Variants in ALKBH8 observed in about 807,000 individuals in gnomAD.
The protein encoded by ALKBH8 is tRNA (carboxymethyluridine(34)-5-O)-methyltransferase ALKBH8.
In ALKBH8, 36 loss-of-function variants were observed where a neutral mutation model predicts 59.8. The ratio of observed to expected loss-of-function variants is 0.60; its 90% CI spans 0.46 to 0.79. ALKBH8 has a LOEUF of 0.79. Ranked by LOEUF, ALKBH8 falls within the 30% of genes least tolerant of loss-of-function variation. The probability of loss-of-function intolerance (pLI) is 0.00; values close to 1 mark genes in which losing one functional copy is unlikely to be tolerated. For missense variants in ALKBH8, 768 were observed against 801.0 expected, an observed-to-expected ratio of 0.96 and a Z score of 0.50; for synonymous variants, 276 against 273.6, an observed-to-expected ratio of 1.01 and a Z score of -0.09.
chr11:107,517,141 A>G (rs1862896247), intron 10 of ALKBH8, among the ~76,000 whole-genome samples: 1 of 152,242 alleles, frequency 6.6e-6, no homozygotes, highest in South Asian at 2.1e-4. Context: ...AAAAAGACAT[A>G]CAAATGGCCA....
At position 107,553,089 on chromosome 11, in the gene ALKBH8, T is replaced by C. The variant is rs780603490; in HGVS notation, c.595+19A>G. 2.5e-5 allele frequency: 37 copies of C among 1,454,338 alleles called. No homozygotes were observed. The highest frequency in any genetic ancestry group is 3.5e-4 in the Middle Eastern group (2 of 5,652). 90.1% of individuals were successfully genotyped at this position (1,454,338 alleles called of 1,614,324 possible). A position where few individuals can be genotyped will look rare whatever the true frequency, so the allele number is the denominator to read the frequency against. Reference sequence around the variant, plus strand: ...AATATTTTTGAGCCAGAATTTATTATGTATTAGCAATTACTTACCCCCAGA... The same window carrying C: ...AATATTTTTGAGCCAGAATTTATTACGTATTAGCAATTACTTACCCCCAGA... On this transcript the variant is annotated intron_variant, in intron 5 of 11. Transcript: ENST00000428149.
intron 8 of ALKBH8, among the ~76,000 whole-genome samples, chr11:107,528,098 C>T (rs1016755037): frequency 5.3e-5 from 8 of 152,002 alleles, no homozygotes; most frequent in South Asian, 2.1e-4. Context: ...ATTCCTTTAA[C>T]GTGATGAATT....
intron 2 of ALKBH8, among the ~76,000 whole-genome samples, chr11:107,559,006 T>C (rs138466010): frequency 3.0e-4 from 46 of 152,350 alleles, no homozygotes; most frequent in Non-Finnish European, 6.6e-4. Context: ...AGGGACCCAC[T>C]GGGAAATAAT....
intron 7 of ALKBH8, among the ~76,000 whole-genome samples, chr11:107,548,124 C>T (rs1191596398): frequency 6.6e-6 from 1 of 152,218 alleles, no homozygotes; most frequent in East Asian, 1.9e-4. Flanking sequence ...ATTGGTTACT[C>T]TGAAGCCAGG....
At position 107,522,402 on chromosome 11, in the gene ALKBH8, G is replaced by A. The variant is rs747954438; in HGVS notation, c.1184C>T (p.Pro395Leu). ...HFSSTRHTPWPHIVEFLKALP... is the reference protein window; with the variant it reads ...HFSSTRHTPWLHIVEFLKALP... ...AGCCTTCAAAAACTCCACAATGTGC[G>A]GCCAAGGGGTATGTCTTGTGCTGCT... Residue 395 changes from proline to leucine, a missense_variant, in exon 10 of 12, where the codon CCG becomes CTG. Coordinates refer to ENST00000428149, the MANE Select transcript of ALKBH8 (RefSeq NM_138775.3). 22 of 1,551,528 alleles carry A rather than the reference G, an allele frequency of 1.4e-5. No individual in the cohort carries two copies. Among genetic ancestry groups the A allele is most frequent in the South Asian group, 8.3e-5 (7 of 84,060 alleles).
chr11:107,520,592 G>A (rs1863068200), intron 10 of ALKBH8, among the ~76,000 whole-genome samples: 1 of 152,160 alleles, frequency 6.6e-6, no homozygotes, highest in African/African-American at 2.4e-5. Flanking sequence ...TAAAACACTA[G>A]AAAATATCAC....
At chr11:107,523,943 G>C (rs542571800) in intron 9 of ALKBH8, among the ~76,000 whole-genome samples, 38 of 152,106 alleles carry the variant, frequency 2.5e-4, no homozygotes, top group African/African-American at 9.2e-4. Context: ...AAAAGTATAA[G>C]TATGTGAGGT....
intron 7 of ALKBH8, among the ~76,000 whole-genome samples, chr11:107,545,490 G>A (rs614371): frequency 0.75 from 114,649 of 152,080 alleles, 44,374 homozygotes; most frequent in South Asian, 0.85. Context: ...CTGAAAGCAT[G>A]AGCCTGGAAA....
intron 3 of ALKBH8, among the ~76,000 whole-genome samples, chr11:107,555,597 TG>T (rs1231694236): frequency 6.6e-6 from 1 of 152,228 alleles, no homozygotes; most frequent in Non-Finnish European, 1.5e-5. Context: ...ATATGAGCAC[TG>T]AGAAATATAG....
Position 107,510,883 on chromosome 11 carries a change from T to C in ALKBH8, c.1437+4A>G. On this transcript the variant is annotated splice_donor_region_variant and intron_variant, in intron 11 of 11. Coordinates refer to ENST00000428149, the MANE Select transcript of ALKBH8 (RefSeq NM_138775.3). ...TTCTTAAGAGAAAGAAAGACCATAC[T>C]TACTGCTGTTGCAAAATGATGAATA... is the stretch of plus-strand genomic sequence containing the variant. The C allele has an allele frequency of 6.4e-7, 1 of 1,551,078 alleles. No individual in the cohort carries two copies. The highest frequency in any genetic ancestry group is 8.7e-7 in the Non-Finnish European group (1 of 1,146,748).
Position 107,504,687 on chromosome 11 carries a change from T to G in ALKBH8, c.1966A>C (p.Asn656His), listed in dbSNP as rs1565307598. 10 of 1,549,326 alleles carry G rather than the reference T, an allele frequency of 6.5e-6. No homozygotes were observed. Among genetic ancestry groups the G allele is most frequent in the African/African-American group, 1.4e-5 (1 of 72,974 alleles). Residue 656 changes from asparagine to histidine, a missense_variant, in exon 12 of 12, where the codon AAC becomes CAC. Physicochemically the swap from Asn to His is moderately conservative, Grantham distance 68. Transcript: ENST00000428149. ...GCCTTTTGAAGAATCACACACCAGT[T>G]TCCTTGATCGTAGTAGCTTTGCAGA... ...RILQSYYDQG[N>H]WCVILQKA
intron 9 of ALKBH8, among the ~76,000 whole-genome samples, chr11:107,523,455 G>A (rs1263609540): frequency 2.0e-5 from 3 of 152,136 alleles, no homozygotes; most frequent in African/African-American, 7.2e-5. Context: ...AGGGGCTGGA[G>A]CAGTTGGGGT....
chr11:107,556,712 G>GA, intron 3 of ALKBH8, 54 bp downstream of exon 3: 2 of 1,272,308 alleles, frequency 1.6e-6, no homozygotes, highest in Non-Finnish European at 2.1e-6. Context: ...TTAAGTCTAT[G>GA]AAAAGAAAAC....
chr11:107,542,955 G>A (rs545731726), intron 7 of ALKBH8, among the ~76,000 whole-genome samples: 21 of 152,130 alleles, frequency 1.4e-4, no homozygotes, highest in Middle Eastern at 3.4e-3. Flanking sequence ...TAATGACAGT[G>A]GGGTCATTAA....
intron 7 of ALKBH8, among the ~76,000 whole-genome samples, chr11:107,542,386 T>C (rs552004714): frequency 6.6e-6 from 1 of 152,236 alleles, no homozygotes; most frequent in East Asian, 1.9e-4. Context: ...AAAAAGTAGA[T>C]GAAATCTTTA....
At chr11:107,561,157 T>G (rs1864922171) in intron 1 of ALKBH8, among the ~76,000 whole-genome samples, 1 of 152,162 alleles carries the variant, frequency 6.6e-6, no homozygotes, top group Non-Finnish European at 1.5e-5. Context: ...GTGTGCTATT[T>G]TACTCATAGG....
intron 9 of ALKBH8, among the ~76,000 whole-genome samples, chr11:107,524,726 A>C (rs1385660810): frequency 1.3e-5 from 2 of 152,188 alleles, no homozygotes; most frequent in Non-Finnish European, 2.9e-5. Flanking sequence ...TAGATATAGT[A>C]AGAGTTTTTA....
Position 107,556,876 on chromosome 11 carries a change from CTTGCAA to C in ALKBH8, c.251_256del (p.Phe84_Arg86delinsTer). The C allele has an allele frequency of 6.2e-7, 1 of 1,609,212 alleles. No individual in the cohort carries two copies. Among genetic ancestry groups the C allele is most frequent in the Non-Finnish European group, 8.5e-7 (1 of 1,177,672 alleles). ...CTTAGATTCTTCTGTAGTTCTGTAT[CTTGCAA>C]ATGAGTACGGCTTGTTAGGTGGCAT... On this transcript the variant is annotated stop_gained and inframe_deletion, in exon 3 of 12. Coordinates refer to ENST00000428149, the MANE Select transcript of ALKBH8 (RefSeq NM_138775.3). LOFTEE classifies it high-confidence loss of function.
chr11:107,509,931 C>G (rs1253040038), intron 11 of ALKBH8, among the ~76,000 whole-genome samples: 3 of 152,138 alleles, frequency 2.0e-5, no homozygotes, highest in African/African-American at 7.2e-5. Flanking sequence ...GTAGCTGAAG[C>G]AACCAATATG....
Sources: gnomAD v4.1 joint callset for allele counts (sites outside exome capture counted in the v4.1 genomes callset) on GRCh38, gnomAD v4.1.1 for gene constraint, MANE v1.5 for transcripts, NCBI Gene and HGNC (gene_info 2026-07-23, HGNC 2026-07-21) for gene names.